The following MLLT1 variants were observed in gnomAD, a reference collection of about 807,000 sequenced individuals.
MLLT1 encodes protein ENL.
In MLLT1, 11 loss-of-function variants were observed where a neutral mutation model predicts 55.1. The ratio of observed to expected loss-of-function variants is 0.20; its 90% CI spans 0.13 to 0.33. MLLT1 has a LOEUF of 0.33. Ranked by LOEUF, MLLT1 falls within the 10% of genes least tolerant of loss-of-function variation. The pLI, the probability that MLLT1 is intolerant of heterozygous loss-of-function variation, is 1.00. For missense variants in MLLT1, 536 were observed against 760.6 expected (o/e 0.70, Z 3.47); for synonymous variants, 323 against 320.1 (o/e 1.01, Z -0.10).
Position 6,212,790 on chromosome 19 carries a change from GCT to G in MLLT1, c.*250_*251del. 1.1e-6 allele frequency: 1 copy of G among 927,652 alleles called. No homozygotes were observed. Among genetic ancestry groups the G allele is most frequent in the Non-Finnish European group, 1.4e-6 (1 of 690,860 alleles). The allele number at this position is 927,652 out of a possible 1,614,324, so 57.5% of individuals were successfully genotyped here. Reference sequence around the variant, plus strand: ...CCCAGAGCTGCCTTCAACACCAGCCGCTCTCTGAGGGGAGCCCAGAGAGCCCG... The same window carrying G: ...CCCAGAGCTGCCTTCAACACCAGCCGCTCTGAGGGGAGCCCAGAGAGCCCG... On this transcript the variant is annotated 3_prime_UTR_variant, in exon 12 of 12. Transcript: ENST00000252674.
rs1196246401 is a variant in MLLT1, at chr19:6,273,553, C to A, written c.13-2794G>T. 1.3e-5 allele frequency among the ~76,000 whole-genome samples: 2 copies of A among 152,218 alleles called. No individual in the cohort carries two copies. The highest frequency in any genetic ancestry group is 2.9e-5 in the Non-Finnish European group (2 of 68,034). The stretch of plus-strand genomic sequence containing the variant: ...ACGAGTGTCTGCCTGAACACCACCG[C>A]ATTCCAACAAACCCAAAACAACACT... On this transcript the variant is annotated intron_variant, in intron 1 of 11. Coordinates refer to ENST00000252674, the MANE Select transcript of MLLT1 (RefSeq NM_005934.4). The surrounding 1 kb of genome is among the most constrained non-coding windows in gnomAD (Gnocchi z 4.3).
rs1049892514 is a variant in MLLT1 at position 6,229,277 on chromosome 19, G to A, written c.420+1293C>T. 8.5e-5 allele frequency among the ~76,000 whole-genome samples: 13 copies of A among 152,096 alleles called. No individual in the cohort carries two copies. Among genetic ancestry groups the A allele is most frequent in the African/African-American group, 3.1e-4 (13 of 41,402 alleles). ...AGCCACGCCATCCACATAGGCCCAC[G>A]CCGGCACTGCCCTCCCCGGATCAGA... On this transcript the variant is annotated intron_variant, in intron 4 of 11. Transcript: ENST00000252674. This position sits in a 1 kb window ranked among gnomAD's most constrained non-coding sequence, Gnocchi z 5.2.
rs370146047 is a variant in MLLT1 at position 6,226,943 on chromosome 19, G to T, written c.546+34C>A. 1.3e-6 allele frequency: 2 copies of T among 1,525,038 alleles called. No individual in the cohort carries two copies. Among genetic ancestry groups the T allele is most frequent in the Non-Finnish European group, 1.8e-6 (2 of 1,137,468 alleles). The allele number at this position is 1,525,038 out of a possible 1,614,324, so 94.5% of individuals were successfully genotyped here. ...AGACCCACCACAGCTGGGCCCCGGCGCTCCCACGCGACTGGGCCTTCCGCC... is the reference window on the plus strand; with the variant it reads ...AGACCCACCACAGCTGGGCCCCGGCTCTCCCACGCGACTGGGCCTTCCGCC... On this transcript the variant is annotated intron_variant, in intron 5 of 11. Transcript: ENST00000252674. This position sits in a 1 kb window ranked among gnomAD's most constrained non-coding sequence, Gnocchi z 6.3.
At position 6,256,152 on chromosome 19, in the gene MLLT1, G is replaced by A. The variant is rs1261989394; in HGVS notation, c.276+6076C>T. On this transcript the variant is annotated intron_variant, in intron 3 of 11. Transcript: ENST00000252674. This position sits in a 1 kb window ranked among gnomAD's most constrained non-coding sequence, Gnocchi z 4.1. ...GAATCGCTTGAACCTGGGAGGCAGA[G>A]GTTGCGATGAGCCAGGATCGTGCCA... Among the ~76,000 whole-genome samples the A allele has an allele frequency of 1.3e-5, 2 of 152,002 alleles. No homozygotes were observed. Among genetic ancestry groups the A allele is most frequent in the Admixed American group, 6.5e-5 (1 of 15,284 alleles).
chr19:6,228,819 C>G (rs2090978371), intron 4 of MLLT1, among the ~76,000 whole-genome samples: 1 of 152,146 alleles, frequency 6.6e-6, no homozygotes, highest in Non-Finnish European at 1.5e-5. Flanking sequence ...GCCCAGACAG[C>G]CAGCTCCCCA....
In MLLT1 at chr19:6,222,988, T is replaced by C. The variant is rs2090917904; in HGVS notation, c.547-304A>G. ...AGCACAGGGTGAGTCAGGCAGAGCATGGCCACTTCGCCCGCACCCGCCCGC... is the reference window on the plus strand; with the variant it reads ...AGCACAGGGTGAGTCAGGCAGAGCACGGCCACTTCGCCCGCACCCGCCCGC... On this transcript the variant is annotated intron_variant, in intron 5 of 11. Transcript: ENST00000252674. This position sits in a 1 kb window ranked among gnomAD's most constrained non-coding sequence, Gnocchi z 4.1. 6.6e-6 allele frequency among the ~76,000 whole-genome samples: 1 copy of C among 152,138 alleles called. No individual in the cohort carries two copies. The highest frequency in any genetic ancestry group is 1.5e-5 in the Non-Finnish European group (1 of 68,002).
intron 7 of MLLT1, 170 bp from the exon 8 acceptor site, chr19:6,216,683 C>T (rs2090847753): frequency 3.5e-6 from 2 of 577,016 alleles, no homozygotes; most frequent in African/African-American, 3.8e-5. Flanking sequence ...TGCCCCCACA[C>T]CGGCAGCCAC....
intron 1 of MLLT1, among the ~76,000 whole-genome samples, chr19:6,276,323 G>A (rs988792854): frequency 6.6e-6 from 1 of 152,168 alleles, no homozygotes; most frequent in Non-Finnish European, 1.5e-5. Context: ...GCAGGAGGAA[G>A]AGTCTACCCA....
At position 6,211,772 on chromosome 19, in the gene MLLT1, G is replaced by C. The variant is rs953684276; in HGVS notation, c.*1270C>G. The stretch of plus-strand genomic sequence containing the variant: ...CCCCCAGCCACGATGGGCTGGCTCC[G>C]CGGGAGCGTCCTGGCCCTGGAAGAG... On this transcript the variant is annotated 3_prime_UTR_variant, in exon 12 of 12. Transcript: ENST00000252674. This position sits in a 1 kb window ranked among gnomAD's most constrained non-coding sequence, Gnocchi z 4.6. The C allele has an allele frequency of 2.8e-6, 3 of 1,063,992 alleles. No homozygotes were observed. Among genetic ancestry groups the C allele is most frequent in the Non-Finnish European group, 3.4e-6 (3 of 878,370 alleles). The allele number at this position is 1,063,992 out of a possible 1,614,324, so 65.9% of individuals were successfully genotyped here. A position where few individuals can be genotyped will look rare whatever the true frequency, so the allele number is the denominator to read the frequency against.
intron 6 of MLLT1, among the ~76,000 whole-genome samples, chr19:6,220,306 CG>C (rs2090885354): frequency 6.6e-6 from 1 of 152,210 alleles, no homozygotes; most frequent in Non-Finnish European, 1.5e-5. Flanking sequence ...GTGAAGCCCC[CG>C]GGGGAAGAGG....
At position 6,227,285 on chromosome 19, in the gene MLLT1, G is replaced by C. The variant is rs1051083727; in HGVS notation, c.421-183C>G. 1.3e-5 allele frequency among the ~76,000 whole-genome samples: 2 copies of C among 152,170 alleles called. No homozygotes were observed. The highest frequency in any genetic ancestry group is 4.8e-5 in the African/African-American group (2 of 41,454). On this transcript the variant is annotated intron_variant, in intron 4 of 11. Transcript: ENST00000252674. This position sits in a 1 kb window ranked among gnomAD's most constrained non-coding sequence, Gnocchi z 5.1. ...GGGTGCTGAGCACGCAGAAGAAGCA[G>C]GCATGGGTGGGGAGCGAAGAAAAGC...
In MLLT1 at chr19:6,219,591, G is replaced by A. The variant is rs1014251029; in HGVS notation, c.1111-1550C>T. Among the ~76,000 whole-genome samples the A allele has an allele frequency of 6.6e-6, 1 of 152,212 alleles. No homozygotes were observed. The highest frequency in any genetic ancestry group is 1.5e-5 in the Non-Finnish European group (1 of 68,046). Reference sequence around the variant, plus strand: ...GTTTTCCCAGCACCGCCAGCTGCCTGCACACCGAGGCCAAGGCTAGTCCTC... The same window carrying A: ...GTTTTCCCAGCACCGCCAGCTGCCTACACACCGAGGCCAAGGCTAGTCCTC... On this transcript the variant is annotated intron_variant, in intron 6 of 11. Coordinates refer to ENST00000252674, the MANE Select transcript of MLLT1 (RefSeq NM_005934.4). The surrounding 1 kb of genome is among the most constrained non-coding windows in gnomAD (Gnocchi z 4.5).
Position 6,230,524 on chromosome 19 carries a change from C to T in MLLT1, c.420+46G>A. 6.2e-7 allele frequency: 1 copy of T among 1,605,432 alleles called. No individual in the cohort carries two copies. The highest frequency in any genetic ancestry group is 1.7e-5 in the Admixed American group (1 of 59,082). On this transcript the variant is annotated intron_variant, in intron 4 of 11. Transcript: ENST00000252674. The surrounding 1 kb of genome is among the most constrained non-coding windows in gnomAD (Gnocchi z 9.0). ...GGCACAGACGGCCGCAGCAAAGTAG[C>T]CTCGGTGGAGCGGCCCCTTGGCGGG...
Position 6,211,715 on chromosome 19 carries a change from A to G in MLLT1, c.*1327T>C, listed in dbSNP as rs949684388. On this transcript the variant is annotated 3_prime_UTR_variant, in exon 12 of 12. Transcript: ENST00000252674. This position sits in a 1 kb window ranked among gnomAD's most constrained non-coding sequence, Gnocchi z 4.6. ...CCTCGAGTCAATGTCTGGGAAACAG[A>G]GGCTAACCAGGCAGGCCTCCAGCCC... The G allele has an allele frequency of 2.0e-5, 21 of 1,064,342 alleles. No individual in the cohort carries two copies. The highest frequency in any genetic ancestry group is 4.9e-5 in the African/African-American group (3 of 60,992). The allele number at this position is 1,064,342 out of a possible 1,614,324, so 65.9% of individuals were successfully genotyped here. A position where few individuals can be genotyped will look rare whatever the true frequency, so the allele number is the denominator to read the frequency against.
intron 5 of MLLT1, among the ~76,000 whole-genome samples, chr19:6,224,083 A>G (rs2144863902): frequency 6.6e-6 from 1 of 152,216 alleles, no homozygotes; most frequent in Non-Finnish European, 1.5e-5. Context: ...GCCTCTGAAA[A>G]CCACCTGAGT....
At chr19:6,255,966 C>A (rs939455846) in intron 3 of MLLT1, among the ~76,000 whole-genome samples, 1 of 152,006 alleles carries the variant, frequency 6.6e-6, no homozygotes, top group Non-Finnish European at 1.5e-5. Context: ...CACCTGTAAT[C>A]CCAGCACTTT....
chr19:6,255,369 C>T (rs551186565), intron 3 of MLLT1, among the ~76,000 whole-genome samples: 22 of 152,078 alleles, frequency 1.4e-4, no homozygotes, highest in African/African-American at 5.1e-4. Flanking sequence ...GGCACACGTC[C>T]GTAATTCCAG....
intron 8 of MLLT1, among the ~76,000 whole-genome samples, chr19:6,214,438 G>A (rs925646329): frequency 2.0e-5 from 3 of 152,152 alleles, no homozygotes; most frequent in Non-Finnish European, 4.4e-5. Flanking sequence ...TTCCATGGCC[G>A]CCCGTCCCTC....
chr19:6,216,259 G>A, intron 8 of MLLT1, 146 bp downstream of exon 8: 1 of 639,332 alleles, frequency 1.6e-6, no homozygotes, highest in Non-Finnish European at 2.8e-6. Flanking sequence ...GGCTGGACTG[G>A]GGCCACCTGG....
Sources: allele counts gnomAD v4.1 joint callset (sites outside exome capture counted in the v4.1 genomes callset), GRCh38; gene constraint gnomAD v4.1.1; non-coding constraint Gnocchi (gnomAD v3.1); transcripts MANE v1.5; gene names NCBI Gene and HGNC (gene_info 2026-07-23, HGNC 2026-07-21).